TENM4: variants seen among roughly 807,000 people sequenced by gnomAD.
TENM4 encodes teneurin-4.
A neutral mutation model predicts 243.3 loss-of-function variants in TENM4; 82 were observed. That is an observed-to-expected ratio of 0.34 (90% CI 0.28 to 0.40). The LOEUF (loss-of-function observed/expected upper bound fraction) is 0.40, where lower values mean the gene tolerates loss of function less well. Among genes scored for constraint, TENM4 ranks in the 10% least tolerant of loss-of-function variants. The pLI is 1.00. For synonymous variants in TENM4, 1,412 were observed against 1,456.3 expected, an observed-to-expected ratio of 0.97 and a Z score of 0.69; for missense variants, 3,138 against 3,673.3, an observed-to-expected ratio of 0.85 and a Z score of 3.77.
chr11:79,344,058 A>T (rs1036273506), intron 1 of TENM4, among the ~76,000 whole-genome samples: 1 of 152,214 alleles, frequency 6.6e-6, no homozygotes, highest in Non-Finnish European at 1.5e-5. Flanking sequence ...TCTCCTATCA[A>T]TGAAGCATCC....
At chr11:78,704,157 GTCTATATA>G (rs1390347061) in intron 27 of TENM4, among the ~76,000 whole-genome samples, 3 of 70,536 alleles carry the variant, frequency 4.3e-5, no homozygotes, top group African/African-American at 1.8e-4. Context: ...ATGTATGTGT[GTCTATATA>G]TATATATATA....
In TENM4 at chr11:78,669,481, A is replaced by G. The variant is rs1171062047; in HGVS notation, c.6864T>C (p.Ser2288=). The G allele has an allele frequency of 1.2e-6, 2 of 1,613,648 alleles. No homozygotes were observed. Among genetic ancestry groups the G allele is most frequent in the South Asian group, 2.2e-5 (2 of 91,064 alleles). The part of the protein sequence containing the change: ...IKAYNRAGSW[S]VRYRYDGLGR... ...CCAGGCCATCGTAGCGGTACCTGAC[A>G]CTCCAGCTGCCAGCCCGGTTGTAGG... Residue 2288 remains serine (S), a synonymous_variant, in exon 32 of 34, where the codon AGT becomes AGC. Coordinates refer to ENST00000278550, the MANE Select transcript of TENM4 (RefSeq NM_001098816.3). This position sits in a 1 kb window ranked among gnomAD's most constrained non-coding sequence, Gnocchi z 6.4.
In TENM4 at chr11:78,881,723, A is replaced by G. The variant is rs188577472; in HGVS notation, c.1084+8062T>C. Among the ~76,000 whole-genome samples, 5 of 152,282 alleles carry G rather than the reference A, an allele frequency of 3.3e-5. No homozygotes were observed. The East Asian group carries it at 9.6e-4, about 29-fold the overall frequency. On this transcript the variant is annotated intron_variant, in intron 9 of 33. Transcript: ENST00000278550. ...AGGAAGGGCACTGTCAAACTCTTCTATCATGGGGAGGCTCTGCAAACTGGA... is the reference window on the plus strand; with the variant it reads ...AGGAAGGGCACTGTCAAACTCTTCTGTCATGGGGAGGCTCTGCAAACTGGA...
intron 12 of TENM4, among the ~76,000 whole-genome samples, chr11:78,833,767 T>C (rs1336266230): frequency 6.6e-6 from 1 of 152,100 alleles, no homozygotes; most frequent in Non-Finnish European, 1.5e-5. Context: ...GATTTTAAGA[T>C]CTTGCATGGC....
At chr11:79,308,697 G>A (rs925718452) in intron 1 of TENM4, among the ~76,000 whole-genome samples, 3 of 152,180 alleles carry the variant, frequency 2.0e-5, no homozygotes, top group Non-Finnish European at 4.4e-5. Flanking sequence ...TACACGGCAC[G>A]TTAGAGTTAA....
chr11:79,212,739 G>C (rs141001416), intron 3 of TENM4, among the ~76,000 whole-genome samples: 5 of 151,980 alleles, frequency 3.3e-5, no homozygotes, highest in Non-Finnish European at 4.4e-5. Context: ...TTTAAATCAC[G>C]TCTCCCTCCT....
At chr11:79,262,652 T>C (rs1855818196) in intron 2 of TENM4, among the ~76,000 whole-genome samples, 1 of 152,188 alleles carries the variant, frequency 6.6e-6, no homozygotes, top group African/African-American at 2.4e-5. Context: ...AAGGAATGTG[T>C]GACCCAGCAA....
chr11:78,696,047 A>C (rs1402814316), intron 28 of TENM4, among the ~76,000 whole-genome samples: 1 of 151,454 alleles, frequency 6.6e-6, no homozygotes, highest in East Asian at 1.9e-4. Flanking sequence ...GTTGTCCCAC[A>C]GATCTTGAAT....
At position 79,065,014 on chromosome 11, in the gene TENM4, G is replaced by A; in HGVS notation, c.224-7C>T. ...CGCAGGGTGAAGTTGGCACCTGGGA[G>A]GAAACACAGGTGAACTTGGTTAGGG... On this transcript the variant is annotated splice_polypyrimidine_tract_variant and splice_region_variant and intron_variant, in intron 5 of 33. Transcript: ENST00000278550. 3 of 1,455,110 alleles carry A rather than the reference G, an allele frequency of 2.1e-6. No homozygotes were observed. The highest frequency in any genetic ancestry group is 2.9e-5 in the South Asian group (2 of 68,520). The allele number at this position is 1,455,110 out of a possible 1,614,324, so 90.1% of individuals were successfully genotyped here.
chr11:78,704,825 A>T (rs188659188), intron 27 of TENM4, among the ~76,000 whole-genome samples: 13 of 152,346 alleles, frequency 8.5e-5, no homozygotes, highest in Admixed American at 3.9e-4. Context: ...CCAATACATT[A>T]TATACACACG....
intron 27 of TENM4, among the ~76,000 whole-genome samples, chr11:78,705,010 G>A (rs1859208867): frequency 6.6e-6 from 1 of 152,222 alleles, no homozygotes; most frequent in South Asian, 2.1e-4. Context: ...ACTCGCCAGG[G>A]CCGCTGCCGG....
At chr11:79,068,068 T>A (rs1261107579) in intron 5 of TENM4, 1 of 152,166 alleles carries the variant, frequency 6.6e-6, no homozygotes. Context: ...ATGTGCTAGG[T>A]CCAAGCCAAC....
chr11:79,111,262 CTGGCCAGGCGCCG>C (rs1243123889), intron 4 of TENM4, among the ~76,000 whole-genome samples: 2 of 152,154 alleles, frequency 1.3e-5, no homozygotes, highest in Non-Finnish European at 2.9e-5. Flanking sequence ...ACCTCTTTTT[CTGGCCAGGCGCCG>C]TGGCTCACAC....
At chr11:79,100,319 G>A (rs908319380) in intron 4 of TENM4, among the ~76,000 whole-genome samples, 1 of 151,950 alleles carries the variant, frequency 6.6e-6, no homozygotes, top group Non-Finnish European at 1.5e-5. Flanking sequence ...CTACAGGTGT[G>A]AGTACCCAAA....
At chr11:79,341,420 C>G (rs751684323) in intron 1 of TENM4, among the ~76,000 whole-genome samples, 9 of 152,166 alleles carry the variant, frequency 5.9e-5, no homozygotes, top group Non-Finnish European at 1.3e-4. Flanking sequence ...TTATCACACT[C>G]AATCTTACTG....
At position 78,690,184 on chromosome 11, in the gene TENM4, G is replaced by A. The variant is rs370428403; in HGVS notation, c.5088-1958C>T. On this transcript the variant is annotated intron_variant, in intron 28 of 33. Coordinates refer to ENST00000278550, the MANE Select transcript of TENM4 (RefSeq NM_001098816.3). ...GGTGGTCAAAGGGGTGGACTGCCTC[G>A]CAGAGCTAAGTGAGCAGTAGTTCTG... Among the ~76,000 whole-genome samples the A allele has an allele frequency of 4.0e-4, 61 of 152,284 alleles. 1 individual carries two copies. Among genetic ancestry groups the A allele is most frequent in the East Asian group, 3.3e-3 (17 of 5,178 alleles).
At chr11:78,999,766 C>T (rs1271221513) in intron 6 of TENM4, among the ~76,000 whole-genome samples, 1 of 151,468 alleles carries the variant, frequency 6.6e-6, no homozygotes, top group Non-Finnish European at 1.5e-5. Flanking sequence ...AACATTAAGC[C>T]CAACAACAAA....
intron 3 of TENM4, among the ~76,000 whole-genome samples, chr11:79,194,372 A>G (rs912446903): frequency 1.3e-5 from 2 of 152,008 alleles, no homozygotes; most frequent in Non-Finnish European, 2.9e-5. Context: ...TAACAGGAAG[A>G]GATTGGAACA....
intron 1 of TENM4, among the ~76,000 whole-genome samples, chr11:79,356,071 C>T (rs1238176998): frequency 6.6e-6 from 1 of 152,178 alleles, no homozygotes; most frequent in Non-Finnish European, 1.5e-5. Flanking sequence ...AGTGGTGGAT[C>T]TCATCAGTGG....
Sources: allele counts gnomAD v4.1 joint callset (sites outside exome capture counted in the v4.1 genomes callset), GRCh38; gene constraint gnomAD v4.1.1; non-coding constraint Gnocchi (gnomAD v3.1); transcripts MANE v1.5; gene names NCBI Gene and HGNC (gene_info 2026-07-23, HGNC 2026-07-21).